The following SEC23A variants were observed in gnomAD, a reference collection of about 807,000 sequenced individuals.
SEC23A encodes SEC23 homolog A, COPII component.
A neutral mutation model predicts 103.7 loss-of-function variants in SEC23A; 56 were observed. The ratio of observed to expected loss-of-function variants is 0.54; its 90% confidence interval spans 0.44 to 0.67. The LOEUF (loss-of-function observed/expected upper bound fraction) is 0.67. Among genes scored for constraint, SEC23A ranks in the 30% least tolerant of loss-of-function variants. SEC23A has a pLI of 0.00. For missense variants in SEC23A, 784 were observed against 936.4 expected, an observed-to-expected ratio of 0.84 and a Z score of 2.12; for synonymous variants, 281 against 293.0, an observed-to-expected ratio of 0.96 and a Z score of 0.42.
At chr14:39,044,443 A>G (rs1042117611) in intron 16 of SEC23A, among the ~76,000 whole-genome samples, 1 of 151,292 alleles carries the variant, frequency 6.6e-6, no homozygotes, top group South Asian at 2.1e-4. Context: ...GAAATAAAAT[A>G]TTTTACCCAT....
At chr14:39,054,206 T>C (rs2139210373) in intron 14 of SEC23A, among the ~76,000 whole-genome samples, 1 of 151,258 alleles carries the variant, frequency 6.6e-6, no homozygotes, top group Admixed American at 6.6e-5. Flanking sequence ...GCAGGGGAAG[T>C]CAAGGCTATG....
chr14:39,085,213 G>C (rs553892790), intron 7 of SEC23A, among the ~76,000 whole-genome samples: 2 of 152,314 alleles, frequency 1.3e-5, no homozygotes, highest in African/African-American at 2.4e-5. Flanking sequence ...GGTTCCTGGA[G>C]GGTGGTGCCC....
intron 10 of SEC23A, among the ~76,000 whole-genome samples, chr14:39,065,361 G>A (rs1235598827): frequency 6.6e-6 from 1 of 151,406 alleles, no homozygotes; most frequent in African/African-American, 2.4e-5. Flanking sequence ...TCTCCCCCCA[G>A]TCTCTCCTGC....
At chr14:39,077,227 CAAAAAAAAAAAAAA>C (rs57549556) in intron 7 of SEC23A, among the ~76,000 whole-genome samples, 2 of 36,472 alleles carry the variant, frequency 5.5e-5, no homozygotes, top group Non-Finnish European at 8.9e-5. Flanking sequence ...GACTCCATCT[CAAAAAAAAAAAAAA>C]AAAAAAAAAA....
In SEC23A at chr14:39,094,397, CATATATATATATATATAT is replaced by C. The variant is rs1242407974; in HGVS notation, c.222-1171_222-1154del. ...ATACACACACACACACACACACACA[CATATATATATATATATAT>C]ATATATATATATATATATATATATA... is the stretch of plus-strand genomic sequence containing the variant. On this transcript the variant is annotated intron_variant, in intron 2 of 19. Transcript: ENST00000307712. Among the ~76,000 whole-genome samples the C allele has an allele frequency of 4.3e-3, 34 of 7,910 alleles. 3 individuals are homozygous for C. In the East Asian group the frequency reaches 0.073, roughly 17 times the overall value. The allele number at this position is 7,910 out of a possible 152,430, so 5.2% of individuals were successfully genotyped here. A position where few individuals can be genotyped will look rare whatever the true frequency, so the allele number is the denominator to read the frequency against.
At chr14:39,045,410 C>T in intron 15 of SEC23A, 86 bp from the exon 16 acceptor site, 1 of 928,842 alleles carries the variant, frequency 1.1e-6, no homozygotes, top group Non-Finnish European at 1.7e-6. Flanking sequence ...TGATTACAAA[C>T]TATTAACAAC....
At chr14:39,040,050 C>A (rs1885586307) in intron 18 of SEC23A, 1 of 152,112 alleles carries the variant, frequency 6.6e-6, no homozygotes, top group Non-Finnish European at 1.5e-5. Context: ...AAAGCATAGT[C>A]CCTGCCTTCA....
At chr14:39,080,570 TA>T (rs1473771695) in intron 7 of SEC23A, among the ~76,000 whole-genome samples, 9 of 152,054 alleles carry the variant, frequency 5.9e-5, no homozygotes, top group Non-Finnish European at 1.2e-4. Context: ...CGCCCCCGGC[TA>T]ATTTTTGTAT....
chr14:39,085,648 AAAAAAAGCACTTT>A, intron 7 of SEC23A, 101 bp downstream of exon 7: 1 of 1,328,710 alleles, frequency 7.5e-7, no homozygotes, highest in Admixed American at 1.9e-5. Flanking sequence ...AATAGGGAGG[AAAAAAAGCACTTT>A]GGTTCTTCTT....
At chr14:39,082,485 T>C (rs1887262022) in intron 7 of SEC23A, among the ~76,000 whole-genome samples, 1 of 152,124 alleles carries the variant, frequency 6.6e-6, no homozygotes, top group Non-Finnish European at 1.5e-5. Context: ...CCTAATAAGA[T>C]ATTTATAATT....
rs202000789 is a variant in SEC23A at position 39,091,682 on chromosome 14, T to G, written c.398A>C (p.Tyr133Ser). The change falls in exon 5 of 20, where the codon TAT becomes TCT. Residue 133 changes from tyrosine (Y) to serine (S), a missense_variant. Physicochemically the swap from Tyr to Ser is moderately radical, Grantham distance 144. Coordinates refer to ENST00000307712, the MANE Select transcript of SEC23A (RefSeq NM_006364.4). ...ATCTTCCATGCAAGTATCAACCACA[T>G]AGAGGAATATCAAAGGCATCTGAGG... ...RGPQMPLIFL[Y>S]VVDTCMEDED... is the part of the protein sequence containing the mutation. The G allele has an allele frequency of 1.9e-6, 3 of 1,613,772 alleles. No individual in the cohort carries two copies. The highest frequency in any genetic ancestry group is 8.5e-7 in the Non-Finnish European group (1 of 1,179,886).
At chr14:39,087,087 C>T (rs1033763477) in intron 5 of SEC23A, 79 bp from the exon 6 acceptor site, 9 of 869,572 alleles carry the variant, frequency 1.0e-5, no homozygotes, top group Middle Eastern at 2.2e-4. Flanking sequence ...GTATAAAATG[C>T]TGTGCTAGAC....
intron 10 of SEC23A, 54 bp downstream of exon 10, chr14:39,067,119 G>C: frequency 1.9e-6 from 3 of 1,599,844 alleles, no homozygotes; most frequent in Non-Finnish European, 2.6e-6. Flanking sequence ...TTACACTCAA[G>C]CCTATAAGTT....
In SEC23A at chr14:39,040,854, C is replaced by T; in HGVS notation, c.2020G>A (p.Asp674Asn). 6.2e-7 allele frequency: 1 copy of T among 1,614,142 alleles called. No homozygotes were observed. Among genetic ancestry groups the T allele is most frequent in the Non-Finnish European group, 8.5e-7 (1 of 1,180,020 alleles). ...CGGAAATTTTCATACTCAGGCATAT[C>T]CTGGTATCCTGACTTCCGCCACTGT... ...IAQWRKSGYQDMPEYENFRHL... is the reference protein window; with the variant it reads ...IAQWRKSGYQNMPEYENFRHL... Residue 674 changes from aspartate (D) to asparagine (N), a missense_variant, in exon 18 of 20, where the codon GAT (aspartate) becomes AAT (asparagine). Physicochemically the swap from Asp to Asn is conservative, Grantham distance 23. Around this residue, in one of 2 missense-constraint regions of SEC23A, gnomAD observed 101 missense variants for 162.2 expected, o/e 0.62. Coordinates refer to ENST00000307712, the MANE Select transcript of SEC23A (RefSeq NM_006364.4).
chr14:39,041,598 G>A (rs150866628), intron 17 of SEC23A, among the ~76,000 whole-genome samples: 234 of 151,728 alleles, frequency 1.5e-3, no homozygotes, highest in African/African-American at 5.4e-3. Flanking sequence ...GGTCGGGCGC[G>A]ATGGCTCACG....
chr14:39,098,600 C>T (rs143741966), intron 1 of SEC23A, among the ~76,000 whole-genome samples: 22,194 of 151,802 alleles, frequency 0.15, 1,717 homozygotes, highest in African/African-American at 0.19. Flanking sequence ...CATGGTGAAA[C>T]CCCATCTCTA....
At chr14:39,063,470 T>C (rs888974371) in intron 11 of SEC23A, 57 bp from the exon 12 acceptor site, 1 of 1,128,964 alleles carries the variant, frequency 8.9e-7, no homozygotes, top group Non-Finnish European at 1.3e-6. Context: ...ATTAATTTTA[T>C]ATTAAAGTGA....
intron 14 of SEC23A, among the ~76,000 whole-genome samples, chr14:39,052,288 C>T (rs1394840807): frequency 6.6e-6 from 1 of 151,216 alleles, no homozygotes; most frequent in Non-Finnish European, 1.5e-5. Flanking sequence ...GCACATCCTG[C>T]ACGTGTATGC....
intron 10 of SEC23A, among the ~76,000 whole-genome samples, chr14:39,066,656 G>A (rs1032747846): frequency 6.6e-6 from 1 of 152,094 alleles, no homozygotes; most frequent in Non-Finnish European, 1.5e-5. Context: ...CCTGAGGTCA[G>A]GAGTTCGAGA....
Sources: gnomAD v4.1 joint callset for allele counts (sites outside exome capture counted in the v4.1 genomes callset) on GRCh38, gnomAD v4.1.1 for gene constraint, gnomAD v4.1.1 regional missense constraint, MANE v1.5 for transcripts, NCBI Gene and HGNC (gene_info 2026-07-23, HGNC 2026-07-21) for gene names.